The following PRSS23 variants were observed in gnomAD, a reference collection of about 807,000 sequenced individuals.
The protein encoded by PRSS23 is serine protease 23, also known as protease, serine 23.
Under a neutral mutation model 34.7 loss-of-function variants are expected in PRSS23, and 25 were observed. The observed-to-expected ratio is 0.72, with a 90% confidence interval of 0.53 to 1.01. The LOEUF (loss-of-function observed/expected upper bound fraction) is 1.01, where lower values mean the gene tolerates loss of function less well. Among genes scored for constraint, PRSS23 ranks in the 50% least tolerant of loss-of-function variants. The pLI is 0.00. For synonymous variants in PRSS23, 176 were observed against 186.6 expected (o/e 0.94, Z 0.46); for missense variants, 445 against 475.6 (o/e 0.94, Z 0.60).
upstream of PRSS23, among the ~76,000 whole-genome samples, chr11:86,796,880 T>C (rs1436190935): frequency 2.0e-5 from 3 of 152,250 alleles, no homozygotes; most frequent in Non-Finnish European, 4.4e-5. Flanking sequence ...CAGCTCAAAT[T>C]CTACCTCAAA....
chr11:86,861,777 A>G (rs1202648648), intron 2 of PRSS23, among the ~76,000 whole-genome samples: 1 of 151,416 alleles, frequency 6.6e-6, no homozygotes, highest in Non-Finnish European at 1.5e-5. Flanking sequence ...GGGGCAGAGG[A>G]TATTACTTCC....
chr11:86,932,420 G>A (rs1949132294), intron 2 of PRSS23, among the ~76,000 whole-genome samples: 1 of 152,178 alleles, frequency 6.6e-6, no homozygotes, highest in Non-Finnish European at 1.5e-5. Context: ...CAGTGACACG[G>A]CCACCCAGCC....
intron 2 of PRSS23, among the ~76,000 whole-genome samples, chr11:86,847,677 C>T (rs1333036413): frequency 6.6e-6 from 1 of 152,122 alleles, no homozygotes; most frequent in Non-Finnish European, 1.5e-5. Context: ...GACCCTGAAA[C>T]CTTAAAAAAG....
chr11:86,818,950 C>G (rs1162684346), intron 1 of PRSS23, among the ~76,000 whole-genome samples: 1 of 152,166 alleles, frequency 6.6e-6, no homozygotes, highest in Non-Finnish European at 1.5e-5. Flanking sequence ...TTACTTTCTT[C>G]CCTCTGTTAA....
At chr11:86,942,841 C>A (rs1590938556) in intron 2 of PRSS23, among the ~76,000 whole-genome samples, 1 of 152,280 alleles carries the variant, frequency 6.6e-6, no homozygotes, top group East Asian at 1.9e-4. Context: ...TGGGATCCTC[C>A]CAGTCCTACG....
intron 2 of PRSS23, among the ~76,000 whole-genome samples, chr11:86,885,024 A>T (rs984409869): frequency 6.6e-6 from 1 of 152,204 alleles, no homozygotes; most frequent in African/African-American, 2.4e-5. Context: ...TATTGTGCTC[A>T]TTGGAATATT....
intron 2 of PRSS23, among the ~76,000 whole-genome samples, chr11:86,856,258 T>G (rs1948570252): frequency 6.6e-6 from 1 of 152,108 alleles, no homozygotes; most frequent in African/African-American, 2.4e-5. Flanking sequence ...ACAATTAACT[T>G]CTGTTCTTAT....
chr11:86,806,376 G>A (rs1307987032), intron 1 of PRSS23, among the ~76,000 whole-genome samples: 2 of 152,158 alleles, frequency 1.3e-5, no homozygotes, highest in African/African-American at 4.8e-5. Context: ...GTGATGCCTG[G>A]AAAATTTCTA....
intron 2 of PRSS23, chr11:86,857,462 G>T: frequency 2.6e-6 from 1 of 390,078 alleles, no homozygotes; most frequent in Non-Finnish European, 5.0e-6. Context: ...AGTTGAGATG[G>T]GTCACAGAAA....
intron 1 of PRSS23, chr11:86,821,573 A>G (rs1012823753): frequency 1.9e-6 from 3 of 1,610,118 alleles, no homozygotes; most frequent in African/African-American, 1.3e-5. Context: ...AAGTTTGACA[A>G]CAAGTCCGTT....
intron 2 of PRSS23, among the ~76,000 whole-genome samples, chr11:86,900,781 C>T (rs1210835488): frequency 1.1e-5 from 1 of 94,020 alleles, no homozygotes; most frequent in African/African-American, 4.5e-5. Flanking sequence ...ATCTCTCTCT[C>T]TTTTTTTTTT....
chr11:86,810,695 G>A lies in PRSS23; in HGVS notation c.*1900G>A, dbSNP rs751112260. The A allele has an allele frequency of 1.2e-5, 2 of 166,910 alleles. No individual in the cohort carries two copies. Among genetic ancestry groups the A allele is most frequent in the Non-Finnish European group, 2.9e-5 (2 of 68,072 alleles). 10.3% of individuals were successfully genotyped at this position (166,910 alleles called of 1,614,324 possible). ...TGAAGCACCTTGATTCCTTGATTTTGATTTTTTGCAAAGTTAGACAATGGC... is the reference window on the plus strand; with the variant it reads ...TGAAGCACCTTGATTCCTTGATTTTAATTTTTTGCAAAGTTAGACAATGGC... On this transcript the variant is annotated 3_prime_UTR_variant, in exon 2 of 2. Coordinates refer to ENST00000280258, the MANE Select transcript of PRSS23 (RefSeq NM_007173.6).
chr11:86,830,731 A>G (rs866348623), intron 2 of PRSS23, among the ~76,000 whole-genome samples: 1 of 152,148 alleles, frequency 6.6e-6, no homozygotes, highest in Admixed American at 6.5e-5. Flanking sequence ...AGACATTACT[A>G]CTAATATCAC....
intron 2 of PRSS23, among the ~76,000 whole-genome samples, chr11:86,834,037 T>C (rs1176573540): frequency 3.3e-5 from 5 of 152,148 alleles, no homozygotes; most frequent in Admixed American, 2.0e-4. Context: ...TTGAAGAACA[T>C]TTGTAGTTTT....
At chr11:86,792,040 C>G (rs1947955068) in intron 1 of PRSS23, among the ~76,000 whole-genome samples, 2 of 152,098 alleles carry the variant, frequency 1.3e-5, no homozygotes. Context: ...TGGTCACTAC[C>G]CCTATTTTGA....
At chr11:86,938,432 G>A (rs907797364) in intron 2 of PRSS23, among the ~76,000 whole-genome samples, 3 of 152,134 alleles carry the variant, frequency 2.0e-5, no homozygotes, top group African/African-American at 4.8e-5. Flanking sequence ...GAAGGGCCAC[G>A]GAGTGAAAGA....
downstream of PRSS23, among the ~76,000 whole-genome samples, chr11:86,812,811 GAAAAAGA>G (rs1326483812): frequency 6.7e-6 from 1 of 148,338 alleles, no homozygotes; most frequent in African/African-American, 2.5e-5. Context: ...AAAAGAAAAA[GAAAAAGA>G]AAAAAGAAAG....
chr11:86,881,946 T>C lies in PRSS23; in HGVS notation c.206+58353T>C, dbSNP rs532225107. 2.6e-4 allele frequency among the ~76,000 whole-genome samples: 39 copies of C among 152,340 alleles called. 1 individual carries two copies. Among genetic ancestry groups the C allele is most frequent in the African/African-American group, 9.1e-4 (38 of 41,570 alleles). ...TATTTTTATAACACCAGTAGTAATG[T>C]CCCCTCTTTCATTCCAGACTTAAGT... On this transcript the variant is annotated intron_variant, in intron 2 of 2. Transcript: ENST00000533902.
chr11:86,802,183 G>T (rs1413548757), intron 1 of PRSS23, among the ~76,000 whole-genome samples: 1 of 152,134 alleles, frequency 6.6e-6, no homozygotes, highest in South Asian at 2.1e-4. Flanking sequence ...ACAGACTCCA[G>T]GGAATTTGTT....
Sources: allele counts gnomAD v4.1 joint callset (sites outside exome capture counted in the v4.1 genomes callset), GRCh38; gene constraint gnomAD v4.1.1; transcripts MANE v1.5; gene names NCBI Gene and HGNC (gene_info 2026-07-23, HGNC 2026-07-21).